The following SDK1 variants were observed in gnomAD, a reference collection of about 807,000 sequenced individuals.
SDK1 encodes sidekick cell adhesion molecule 1.
Under a neutral mutation model 245.5 loss-of-function variants are expected in SDK1, and 157 were observed. The ratio of observed to expected loss-of-function variants is 0.64; its 90% CI spans 0.56 to 0.73. The LOEUF is 0.73. Among genes scored for constraint, SDK1 ranks in the 30% least tolerant of loss-of-function variants. The pLI, the probability that SDK1 is intolerant of heterozygous loss-of-function variation, is 0.00. For synonymous variants in SDK1, 1,647 were observed against 1,278.5 expected, an observed-to-expected ratio of 1.29 and a Z score of -6.15; for missense variants, 3,583 against 3,002.3, an observed-to-expected ratio of 1.19 and a Z score of -4.52.
At chr7:3,873,320 T>G (rs1366867499) in intron 5 of SDK1, among the ~76,000 whole-genome samples, 1 of 152,226 alleles carries the variant, frequency 6.6e-6, no homozygotes, top group East Asian at 1.9e-4. Flanking sequence ...CTTATCTTGC[T>G]CCTCTGTAGG....
At chr7:3,302,030 C>A in intron 1 of SDK1, 146 bp downstream of exon 1, 1 of 488,464 alleles carries the variant, frequency 2.0e-6, no homozygotes, top group Non-Finnish European at 2.8e-6. Flanking sequence ...AGCCCAGGGG[C>A]TCCTCCACGC....
In SDK1 at chr7:3,309,479, T is replaced by C. The variant is rs139515609; in HGVS notation, c.298+7595T>C. ...GTTTATAATACCCAGCTATGTGAAA[T>C]CAAAACCAGGTAATAGAATAGTGGC... On this transcript the variant is annotated intron_variant, in intron 1 of 44. Coordinates refer to ENST00000404826, the MANE Select transcript of SDK1 (RefSeq NM_152744.4). 4.8e-3 allele frequency among the ~76,000 whole-genome samples: 704 copies of C among 147,300 alleles called. 5 individuals are homozygous for C. Among genetic ancestry groups the C allele is most frequent in the African/African-American group, 0.017 (674 of 40,342 alleles).
intron 1 of SDK1, among the ~76,000 whole-genome samples, chr7:3,432,781 C>G (rs899067594): frequency 6.6e-6 from 1 of 152,128 alleles, no homozygotes; most frequent in Non-Finnish European, 1.5e-5. Context: ...CAGTTTCCCT[C>G]CACAAATATG....
rs755093049 is a variant in SDK1, at chr7:4,078,786, C to T, written c.3203-677C>T. Among the ~76,000 whole-genome samples, 67 of 152,270 alleles carry T rather than the reference C, an allele frequency of 4.4e-4. 1 individual carries two copies. The Middle Eastern group carries it at 0.01, about 23-fold the overall frequency. ...CTCATCTAGGAGTAGGCTTGAGCCA[C>T]GGGCACCCTCAACGGGAGGCTCATT... On this transcript the variant is annotated intron_variant, in intron 21 of 44. Transcript: ENST00000404826.
chr7:3,624,027 G>T (rs545288666), intron 2 of SDK1, among the ~76,000 whole-genome samples: 1 of 152,188 alleles, frequency 6.6e-6, no homozygotes, highest in East Asian at 1.9e-4. Flanking sequence ...TGAAATACCT[G>T]GGAATAAGTT....
chr7:4,164,183 G>A (rs1047052079), intron 32 of SDK1, among the ~76,000 whole-genome samples: 18 of 152,302 alleles, frequency 1.2e-4, no homozygotes, highest in East Asian at 5.8e-4. Flanking sequence ...TGGGAACCAC[G>A]AAAACAGCCT....
chr7:3,583,176 C>T (rs1297531498), intron 1 of SDK1, among the ~76,000 whole-genome samples: 3 of 152,190 alleles, frequency 2.0e-5, no homozygotes, highest in African/African-American at 7.2e-5. Context: ...GCAGCTCGAC[C>T]TTGTTTACAG....
At chr7:3,724,760 G>C (rs971054125) in intron 4 of SDK1, among the ~76,000 whole-genome samples, 1 of 152,040 alleles carries the variant, frequency 6.6e-6, no homozygotes, top group Non-Finnish European at 1.5e-5. Flanking sequence ...GTCAGCTTTC[G>C]GAAGGAAAAA....
chr7:3,807,828 C>G (rs1465339983), intron 4 of SDK1, among the ~76,000 whole-genome samples: 1 of 152,204 alleles, frequency 6.6e-6, no homozygotes, highest in Non-Finnish European at 1.5e-5. Context: ...CTGGTAGCCT[C>G]TGCTTCCTTT....
chr7:3,446,647 T>G (rs1253898120), intron 1 of SDK1, among the ~76,000 whole-genome samples: 2 of 152,198 alleles, frequency 1.3e-5, no homozygotes, highest in Non-Finnish European at 2.9e-5. Context: ...ATAGCATTTG[T>G]AGAATAAGTT....
At chr7:3,503,062 A>G (rs1330073660) in intron 1 of SDK1, among the ~76,000 whole-genome samples, 1 of 152,180 alleles carries the variant, frequency 6.6e-6, no homozygotes, top group Non-Finnish European at 1.5e-5. Context: ...TGTATTAGCT[A>G]ATGTTTTAGA....
intron 5 of SDK1, among the ~76,000 whole-genome samples, chr7:3,868,041 G>A (rs936460837): frequency 6.6e-6 from 1 of 152,086 alleles, no homozygotes; most frequent in African/African-American, 2.4e-5. Flanking sequence ...TTGTTTGAAT[G>A]TTTCACGGAA....
chr7:3,679,665 T>C (rs1468363243), intron 4 of SDK1, among the ~76,000 whole-genome samples: 1 of 152,230 alleles, frequency 6.6e-6, no homozygotes, highest in Non-Finnish European at 1.5e-5. Context: ...TTGCCATCAT[T>C]GGCCATTAGG....
chr7:4,142,391 T>TGC (rs1268990747), intron 28 of SDK1, among the ~76,000 whole-genome samples: 2 of 152,116 alleles, frequency 1.3e-5, no homozygotes, highest in Non-Finnish European at 2.9e-5. Context: ...TGCAGTGACG[T>TGC]GATCTCGGCT....
intron 30 of SDK1, among the ~76,000 whole-genome samples, chr7:4,150,086 C>T (rs534205699): frequency 5.3e-5 from 8 of 152,188 alleles, no homozygotes; most frequent in Admixed American, 1.3e-4. Context: ...CTCACAACTG[C>T]GGTTTACAGA....
At chr7:4,234,131 A>T (rs2158722) in intron 41 of SDK1, among the ~76,000 whole-genome samples, 7 of 151,892 alleles carry the variant, frequency 4.6e-5, no homozygotes, top group Non-Finnish European at 1.0e-4. Context: ...TCTTCCTGGG[A>T]CCTCCCAGAA....
chr7:3,967,491 G>T, intron 10 of SDK1, 57 bp downstream of exon 10: 1 of 1,013,766 alleles, frequency 9.9e-7, no homozygotes. Context: ...AACCTATCGG[G>T]CCAGTGCTTG....
Position 4,161,850 on chromosome 7 carries a change from G to A in SDK1, c.4794G>A (p.Gln1598=), listed in dbSNP as rs1369660437. Reference sequence around the variant, plus strand: ...ACACCACGTCCTCTGTCCTGATACAGTGGCAGGTAAGAGCGCGGGGAATCA... The same window carrying A: ...ACACCACGTCCTCTGTCCTGATACAATGGCAGGTAAGAGCGCGGGGAATCA... ...TPHTTSSVLI[Q]WQPPRDESLN... Residue 1598 remains glutamine (Q), a synonymous_variant, in exon 32 of 45, where the codon CAG becomes CAA. Transcript: ENST00000404826. The A allele has an allele frequency of 6.2e-7, 1 of 1,614,052 alleles. No individual in the cohort carries two copies.
chr7:3,524,598 A>T (rs1378969698), intron 1 of SDK1, among the ~76,000 whole-genome samples: 1 of 152,194 alleles, frequency 6.6e-6, no homozygotes, highest in East Asian at 1.9e-4. Context: ...GAAAGAACAG[A>T]CAAAGGATAA....
Sources: gnomAD v4.1 joint callset for allele counts (sites outside exome capture counted in the v4.1 genomes callset) on GRCh38, gnomAD v4.1.1 for gene constraint, MANE v1.5 for transcripts, NCBI Gene and HGNC (gene_info 2026-07-23, HGNC 2026-07-21) for gene names.